The following GFRA3 variants were observed in gnomAD, a reference collection of about 807,000 sequenced individuals.
The protein encoded by GFRA3 is GDNF family receptor alpha-3.
In GFRA3, 24 loss-of-function variants were observed where a neutral mutation model predicts 40.0. The ratio of observed to expected loss-of-function variants is 0.60; its 90% CI spans 0.43 to 0.84. The LOEUF is 0.84. GFRA3 is among the 40% of genes least tolerant of loss of function. The probability of loss-of-function intolerance (pLI) is 0.00; values close to 1 mark genes in which losing one functional copy is unlikely to be tolerated. For synonymous variants in GFRA3, 203 were observed against 213.5 expected (o/e 0.95, Z 0.43); for missense variants, 405 against 530.6 (o/e 0.76, Z 2.33).
At chr5:138,271,892 G>GGT (rs1755873814) in intron 1 of GFRA3, among the ~76,000 whole-genome samples, 1 of 59,700 alleles carries the variant, frequency 1.7e-5, no homozygotes, top group African/African-American at 9.7e-5. Context: ...TTTCTTTTCT[G>GGT]TTTTTTTTTT....
At chr5:138,271,165 T>C (rs1000225033) in intron 1 of GFRA3, among the ~76,000 whole-genome samples, 3 of 152,068 alleles carry the variant, frequency 2.0e-5, no homozygotes, top group African/African-American at 7.2e-5. Context: ...GCTAATTTTG[T>C]ATTTTTAGTA....
At chr5:138,263,972 G>A (rs1457542566) in intron 2 of GFRA3, among the ~76,000 whole-genome samples, 4 of 152,072 alleles carry the variant, frequency 2.6e-5, no homozygotes, top group South Asian at 2.1e-4. Context: ...GTCCATACCC[G>A]CTGTTCCAGG....
chr5:138,271,061 C>T (rs1755860745), intron 1 of GFRA3, among the ~76,000 whole-genome samples: 1 of 151,900 alleles, frequency 6.6e-6, no homozygotes, highest in African/African-American at 2.4e-5. Context: ...GGCGCGATCT[C>T]GGCTCACTGC....
intron 1 of GFRA3, among the ~76,000 whole-genome samples, chr5:138,268,748 G>A (rs1260876875): frequency 6.6e-6 from 1 of 151,926 alleles, no homozygotes; most frequent in Non-Finnish European, 1.5e-5. Context: ...AAATTAGCCA[G>A]GTGTGGAGGC....
chr5:138,255,547 C>CAATG (rs1755614049), intron 4 of GFRA3, among the ~76,000 whole-genome samples: 1 of 152,144 alleles, frequency 6.6e-6, no homozygotes, highest in African/African-American at 2.4e-5. Flanking sequence ...TTTGATCTGG[C>CAATG]AATGGTACTA....
At chr5:138,260,226 T>A (rs1277082374) in intron 2 of GFRA3, among the ~76,000 whole-genome samples, 1 of 152,146 alleles carries the variant, frequency 6.6e-6, no homozygotes. Flanking sequence ...CTGTGGATTG[T>A]GAGCTGAAGT....
At chr5:138,262,959 G>C (rs1755732490) in intron 2 of GFRA3, among the ~76,000 whole-genome samples, 3 of 151,796 alleles carry the variant, frequency 2.0e-5, no homozygotes, top group Admixed American at 2.0e-4. Flanking sequence ...TTGTTTGTTT[G>C]TTTGCTTTTT....
At chr5:138,258,876 G>T (rs1356206197) in intron 3 of GFRA3, among the ~76,000 whole-genome samples, 1 of 152,212 alleles carries the variant, frequency 6.6e-6, no homozygotes, top group Non-Finnish European at 1.5e-5. Context: ...AGCAGCCACA[G>T]CAATCAAGTA....
chr5:138,268,056 G>A (rs992707927), intron 1 of GFRA3, among the ~76,000 whole-genome samples: 6 of 152,052 alleles, frequency 3.9e-5, no homozygotes, highest in Admixed American at 3.3e-4. Flanking sequence ...AGGCCAAGGC[G>A]GGTGGATTAC....
At position 138,274,338 on chromosome 5, in the gene GFRA3, T is replaced by A. The variant is rs1023636971; in HGVS notation, c.87A>T (p.Ala29=). 3 of 1,341,814 alleles carry A rather than the reference T, an allele frequency of 2.2e-6. No individual in the cohort carries two copies. Among genetic ancestry groups the A allele is most frequent in the Admixed American group, 3.0e-5 (1 of 33,704 alleles). 83.1% of individuals were successfully genotyped at this position (1,341,814 alleles called of 1,614,324 possible). The change falls in exon 1 of 8, where the codon GCA becomes GCT. Residue 29 remains alanine (A), a synonymous_variant. Coordinates refer to ENST00000274721, the MANE Select transcript of GFRA3 (RefSeq NM_001496.4). ...LLLPPSPLPL[A]AGDPLPTESR... ...GGTGCGCGCTCTGACACTCACCGGC[T>A]GCGAGAGGCAGCGGCGACGGCGGCA...
At chr5:138,272,628 T>C (rs185307453) in intron 1 of GFRA3, among the ~76,000 whole-genome samples, 26 of 144,326 alleles carry the variant, frequency 1.8e-4, no homozygotes, top group East Asian at 4.1e-4. Flanking sequence ...GGGTGACAGA[T>C]TGATACCCTG....
At position 138,264,395 on chromosome 5, in the gene GFRA3, A is replaced by C; in HGVS notation, c.245T>G (p.Val82Gly). 6.2e-7 allele frequency: 1 copy of C among 1,614,076 alleles called. No individual in the cohort carries two copies. The highest frequency in any genetic ancestry group is 1.3e-5 in the African/African-American group (1 of 75,032). The change falls in exon 2 of 8, where the codon GTC becomes GGC. Residue 82 changes from valine (V) to glycine (G), a missense_variant. By Grantham distance (109) the Val-to-Gly change is moderately radical (BLOSUM62 -3). Transcript: ENST00000274721. The stretch of plus-strand genomic sequence containing the variant: ...TGCTGCCTCCAGGCAGTCAGCAGGG[A>C]CCGAAGGCTCCTCTGAGGGCAGTGG... ...STPLPSEEPS[V>G]PADCLEAAQQ...
chr5:138,254,128 T>G lies in GFRA3; in HGVS notation c.818A>C (p.His273Pro), dbSNP rs199567177. 1.7e-5 allele frequency: 28 copies of G among 1,610,052 alleles called. No homozygotes were observed. In the Admixed American group the frequency reaches 4.5e-4, roughly 26 times the overall value. The change falls in exon 5 of 8, where the codon CAT (histidine) becomes CCT (proline). Residue 273 changes from histidine (H) to proline (P), a missense_variant. Coordinates refer to ENST00000274721, the MANE Select transcript of GFRA3 (RefSeq NM_001496.4). ...SRLVDFQTHC[H>P]PMDILGTCAT... Reference sequence around the variant, plus strand: ...ACAAGTTCCTAGGATGTCCATGGGATGGCAGTGGGTCTGGAAATCCACCAG... The same window carrying G: ...ACAAGTTCCTAGGATGTCCATGGGAGGGCAGTGGGTCTGGAAATCCACCAG...
At chr5:138,273,081 A>AG (rs1755900396) in intron 1 of GFRA3, among the ~76,000 whole-genome samples, 2 of 152,204 alleles carry the variant, frequency 1.3e-5, no homozygotes, top group Non-Finnish European at 2.9e-5. Flanking sequence ...GCTAGAACCC[A>AG]GGACTCCAGC....
At position 138,253,365 on chromosome 5, in the gene GFRA3, A is replaced by G; in HGVS notation, c.1035T>C (p.Ile345=). The G allele has an allele frequency of 6.3e-7, 1 of 1,593,352 alleles. No homozygotes were observed. Among genetic ancestry groups the G allele is most frequent in the South Asian group, 1.1e-5 (1 of 87,862 alleles). ...FSHNPCLTEA[I]AAKMRFHSQL... ...GGCTGTGAAAACGCATCTTAGCTGC[A>G]ATGGCCTCCGCTGAAGAGAGGAGAG... is the stretch of plus-strand genomic sequence containing the variant. Residue 345 remains isoleucine, a synonymous_variant, in exon 7 of 8, where the codon ATT becomes ATC. Coordinates refer to ENST00000274721, the MANE Select transcript of GFRA3 (RefSeq NM_001496.4).
At chr5:138,259,514 C>T (rs989039475) in intron 3 of GFRA3, 43 bp downstream of exon 3, 1 of 875,314 alleles carries the variant, frequency 1.1e-6, no homozygotes, top group South Asian at 1.3e-5. Context: ...CCTCCAGGGT[C>T]CAGCCCCAGC....
chr5:138,264,936 G>A (rs1456862078), intron 1 of GFRA3, among the ~76,000 whole-genome samples: 1 of 152,058 alleles, frequency 6.6e-6, no homozygotes. Flanking sequence ...AATGGACAAG[G>A]GAGTGCTAAA....
intron 1 of GFRA3, among the ~76,000 whole-genome samples, chr5:138,266,508 A>G (rs1755787097): frequency 6.6e-6 from 1 of 152,192 alleles, no homozygotes; most frequent in Non-Finnish European, 1.5e-5. Flanking sequence ...TGTAACACAG[A>G]AAAGTACATG....
In GFRA3 at chr5:138,252,674, G is replaced by A. The variant is rs1225435837; in HGVS notation, c.*294C>T. 6 of 287,650 alleles carry A rather than the reference G, an allele frequency of 2.1e-5. No individual in the cohort carries two copies. Among genetic ancestry groups the A allele is most frequent in the Admixed American group, 9.2e-5 (2 of 21,678 alleles). The allele number at this position is 287,650 out of a possible 1,614,324, so 17.8% of individuals were successfully genotyped here. The stretch of plus-strand genomic sequence containing the variant: ...AATGGCTAACTTATTAGATTCTGGT[G>A]ATCCTGGTAGTCAAGAGGAAGGGCT... On this transcript the variant is annotated 3_prime_UTR_variant, in exon 8 of 8. Transcript: ENST00000274721.
Sources: allele counts gnomAD v4.1 joint callset (sites outside exome capture counted in the v4.1 genomes callset), GRCh38; gene constraint gnomAD v4.1.1; transcripts MANE v1.5; gene names NCBI Gene and HGNC (gene_info 2026-07-23, HGNC 2026-07-21).